The following ACSS3 variants were observed in gnomAD, a reference collection of about 807,000 sequenced individuals.
ACSS3 encodes the protein acyl-CoA synthetase short chain family member 3.
ACSS3 carries 64 observed loss-of-function variants against 84.2 expected under a neutral mutation model. The ratio of observed to expected loss-of-function variants is 0.76; its 90% CI spans 0.62 to 0.94. The LOEUF is 0.94. ACSS3 is among the 40% of genes least tolerant of loss of function. ACSS3 has a pLI of 0.00. For synonymous variants in ACSS3, 317 were observed against 310.1 expected (o/e 1.02, Z -0.23); for missense variants, 815 against 867.6 (o/e 0.94, Z 0.76).
chr12:81,106,676 A>G (rs1028432888), intron 1 of ACSS3, among the ~76,000 whole-genome samples: 77 of 152,208 alleles, frequency 5.1e-4, no homozygotes, highest in Non-Finnish European at 1.8e-4. Flanking sequence ...ACTATTTGAA[A>G]TATTTTTGTT....
At chr12:81,153,001 T>C (rs901503755) in intron 7 of ACSS3, among the ~76,000 whole-genome samples, 4 of 152,178 alleles carry the variant, frequency 2.6e-5, no homozygotes, top group Non-Finnish European at 5.9e-5. Context: ...GTAATCTTAC[T>C]TTACTCTTCC....
At chr12:81,245,483 A>G (rs564764703) in intron 13 of ACSS3, among the ~76,000 whole-genome samples, 50 of 152,240 alleles carry the variant, frequency 3.3e-4, no homozygotes, top group African/African-American at 1.2e-3. Context: ...CAAACAAAAA[A>G]TAGGTTGAAT....
chr12:81,186,315 T>G (rs530874104), intron 8 of ACSS3, among the ~76,000 whole-genome samples: 1 of 151,848 alleles, frequency 6.6e-6, no homozygotes, highest in African/African-American at 2.4e-5. Context: ...GTTTTCTGTA[T>G]TTCATATCAA....
intron 13 of ACSS3, among the ~76,000 whole-genome samples, chr12:81,248,747 G>T (rs1025527851): frequency 3.9e-5 from 6 of 151,916 alleles, no homozygotes; most frequent in Non-Finnish European, 8.8e-5. Context: ...AATACTCGAA[G>T]TGATGGATAC....
intron 1 of ACSS3, among the ~76,000 whole-genome samples, chr12:81,098,371 G>A (rs1396829135): frequency 6.6e-6 from 1 of 152,110 alleles, no homozygotes; most frequent in Non-Finnish European, 1.5e-5. Flanking sequence ...TTTACTATTA[G>A]AAGTGTTTTG....
chr12:81,089,661 A>T (rs1277582670), intron 1 of ACSS3, among the ~76,000 whole-genome samples: 1 of 151,994 alleles, frequency 6.6e-6, no homozygotes, highest in African/African-American at 2.4e-5. Flanking sequence ...TTACTGAGTC[A>T]TTCCTTTCTG....
intron 2 of ACSS3, among the ~76,000 whole-genome samples, chr12:81,120,085 C>A (rs1884450083): frequency 1.3e-5 from 2 of 152,008 alleles, no homozygotes; most frequent in South Asian, 4.2e-4. Flanking sequence ...AAGTGTGTGC[C>A]CCACACATAG....
intron 2 of ACSS3, among the ~76,000 whole-genome samples, chr12:81,122,284 C>G (rs1218217843): frequency 6.6e-6 from 1 of 151,886 alleles, no homozygotes; most frequent in Admixed American, 6.6e-5. Context: ...AAAAAATTCT[C>G]ACGGAGAACT....
chr12:81,259,595 G>T lies in ACSS3; in HGVS notation c.*4673G>T. ...TTCCTTAGAATTCAGTTTTCACAAA[G>T]GTTTTCACTGCTCGTCTTCTTAGAT... On this transcript the variant is annotated 3_prime_UTR_variant, in exon 16 of 16. Transcript: ENST00000548058. 2.0e-6 allele frequency: 3 copies of T among 1,520,840 alleles called. No homozygotes were observed. The highest frequency in any genetic ancestry group is 2.6e-6 in the Non-Finnish European group (3 of 1,133,712). 94.2% of individuals were successfully genotyped at this position (1,520,840 alleles called of 1,614,324 possible).
chr12:81,188,222 C>A (rs970573783), intron 8 of ACSS3, among the ~76,000 whole-genome samples: 1 of 151,750 alleles, frequency 6.6e-6, no homozygotes, highest in African/African-American at 2.4e-5. Flanking sequence ...TGAAACTGAT[C>A]TAGCCTTAGG....
chr12:81,240,998 C>T (rs1223802265), intron 13 of ACSS3, among the ~76,000 whole-genome samples: 1 of 125,872 alleles, frequency 7.9e-6, no homozygotes, highest in Non-Finnish European at 1.6e-5. Context: ...CCCCCCACCC[C>T]ACAACAGTCC....
chr12:81,200,964 A>C (rs528517328), intron 9 of ACSS3, among the ~76,000 whole-genome samples: 2 of 152,228 alleles, frequency 1.3e-5, no homozygotes, highest in Middle Eastern at 3.4e-3. Context: ...TATGAAATAT[A>C]AAATGAATAA....
At chr12:81,122,386 A>C (rs182283101) in intron 2 of ACSS3, among the ~76,000 whole-genome samples, 1 of 152,136 alleles carries the variant, frequency 6.6e-6, no homozygotes, top group African/African-American at 2.4e-5. Flanking sequence ...TCTGGCCTTC[A>C]TTAACAGTAG....
intron 2 of ACSS3, among the ~76,000 whole-genome samples, chr12:81,121,146 A>G (rs1469792552): frequency 1.3e-5 from 2 of 152,226 alleles, no homozygotes; most frequent in African/African-American, 4.8e-5. Flanking sequence ...ACCTTCACCT[A>G]TATTGATTGG....
chr12:81,231,851 C>G (rs914222492), intron 12 of ACSS3, among the ~76,000 whole-genome samples: 1 of 151,606 alleles, frequency 6.6e-6, no homozygotes, highest in Non-Finnish European at 1.5e-5. Flanking sequence ...TTTCTGTTGT[C>G]CCTCTACTAC....
chr12:81,149,064 G>A (rs1027912748), intron 5 of ACSS3, among the ~76,000 whole-genome samples: 3 of 151,938 alleles, frequency 2.0e-5, no homozygotes, highest in Non-Finnish European at 4.4e-5. Flanking sequence ...GGGTGACAGA[G>A]CAAGACTCCA....
chr12:81,133,723 T>G (rs1030195108), intron 2 of ACSS3, among the ~76,000 whole-genome samples: 3 of 152,220 alleles, frequency 2.0e-5, no homozygotes, highest in Non-Finnish European at 4.4e-5. Context: ...AATAGATAAT[T>G]TACTTATTTA....
rs1880750148 is a variant in ACSS3 at position 81,078,327 on chromosome 12, G to A, written c.207G>A (p.Ser69=). Residue 69 remains serine (S), a synonymous_variant, in exon 1 of 16, where the codon TCG becomes TCA. Coordinates refer to ENST00000548058, the MANE Select transcript of ACSS3 (RefSeq NM_024560.4). ...AGTACAAGACCCACTTCGCAGCCTCGGTGACCGACCCCGAGAGGTTCTGGG... is the reference window on the plus strand; with the variant it reads ...AGTACAAGACCCACTTCGCAGCCTCAGTGACCGACCCCGAGAGGTTCTGGG... The part of the protein sequence containing the change: ...GSEYKTHFAA[S]VTDPERFWGK... The A allele has an allele frequency of 6.2e-7, 1 of 1,612,398 alleles. No homozygotes were observed. The highest frequency in any genetic ancestry group is 1.1e-5 in the South Asian group (1 of 91,070).
In ACSS3 at chr12:81,220,005, C is replaced by T. The variant is rs778369040; in HGVS notation, c.1451-8C>T. 2.0e-6 allele frequency: 3 copies of T among 1,492,582 alleles called. No homozygotes were observed. The highest frequency in any genetic ancestry group is 2.7e-6 in the Non-Finnish European group (3 of 1,112,430). 92.5% of individuals were successfully genotyped at this position (1,492,582 alleles called of 1,614,324 possible). ...TTTTTATTCAAATATTTATATTTTA[C>T]TTTGTAGTTATGATTTTGGATGACA... On this transcript the variant is annotated splice_region_variant and splice_polypyrimidine_tract_variant and intron_variant, in intron 10 of 15. Coordinates refer to ENST00000548058, the MANE Select transcript of ACSS3 (RefSeq NM_024560.4).
Sources: allele counts gnomAD v4.1 joint callset (sites outside exome capture counted in the v4.1 genomes callset), GRCh38; gene constraint gnomAD v4.1.1; transcripts MANE v1.5; gene names NCBI Gene and HGNC (gene_info 2026-07-23, HGNC 2026-07-21).